ARHGAP22: variants seen among roughly 807,000 people sequenced by gnomAD.
The protein encoded by ARHGAP22 is Rho GTPase activating protein 22, also known as rho GTPase-activating protein 22.
ARHGAP22 carries 48 observed loss-of-function variants against 59.1 expected under a neutral mutation model. The ratio of observed to expected loss-of-function variants is 0.81; its 90% CI spans 0.64 to 1.03. The LOEUF is 1.03. Ranked by LOEUF, ARHGAP22 falls within the 50% of genes least tolerant of loss-of-function variation. The pLI, the probability that ARHGAP22 is intolerant of heterozygous loss-of-function variation, is 0.00. For synonymous variants in ARHGAP22, 445 were observed against 416.4 expected (o/e 1.07, Z -0.84); for missense variants, 1,015 against 958.7 (o/e 1.06, Z -0.78).
chr10:48,446,531 C>G lies in ARHGAP22; in HGVS notation c.1957G>C (p.Glu653Gln), dbSNP rs768161649. 6.2e-7 allele frequency: 1 copy of G among 1,614,242 alleles called. No homozygotes were observed. Among genetic ancestry groups the G allele is most frequent in the Non-Finnish European group, 8.5e-7 (1 of 1,180,038 alleles). Residue 653 changes from glutamate (E) to glutamine (Q), a missense_variant, in exon 10 of 10, where the codon GAA (glutamate) becomes CAA (glutamine). Glu to Gln is a conservative substitution (Grantham distance 29). Coordinates refer to ENST00000249601, the MANE Select transcript of ARHGAP22 (RefSeq NM_021226.4). Reference sequence around the variant, plus strand: ...CGTTCAGAGTTCCGCAGCTTTATTTCCAGCATGATGTATTTTTTCTTTTCC... The same window carrying G: ...CGTTCAGAGTTCCGCAGCTTTATTTGCAGCATGATGTATTTTTTCTTTTCC... ...DQEKKKYIML[E>Q]IKLRNSERAR...
Position 48,478,179 on chromosome 10 carries a change from G to A in ARHGAP22, c.451+1457C>T, listed in dbSNP as rs541086454. 3.2e-4 allele frequency among the ~76,000 whole-genome samples: 48 copies of A among 152,290 alleles called. No homozygotes were observed. The South Asian group carries it at 9.8e-3, about 31-fold the overall frequency. On this transcript the variant is annotated intron_variant, in intron 4 of 9. Transcript: ENST00000249601. ...TCACTTTCAGCAACCTGGAACCAAAGCCACTGTGAGGCTGCAGAAATCCCT... is the reference window on the plus strand; with the variant it reads ...TCACTTTCAGCAACCTGGAACCAAAACCACTGTGAGGCTGCAGAAATCCCT...
chr10:48,449,783 T>TACGA (rs879799452), intron 9 of ARHGAP22, among the ~76,000 whole-genome samples: 7,801 of 152,268 alleles, frequency 0.051, 243 homozygotes, highest in African/African-American at 0.094. Context: ...CACGAGGGCT[T>TACGA]GGTTCAGCAG....
At chr10:48,448,143 T>C (rs573672243) in intron 9 of ARHGAP22, among the ~76,000 whole-genome samples, 1 of 152,170 alleles carries the variant, frequency 6.6e-6, no homozygotes, top group African/African-American at 2.4e-5. Context: ...AACCAGAGCA[T>C]TGCCCAGGCC....
At chr10:48,555,646 G>C in intron 2 of ARHGAP22, 96 bp from the exon 3 acceptor site, 1 of 1,165,248 alleles carries the variant, frequency 8.6e-7, no homozygotes. Context: ...TAGGACCTGG[G>C]GCCCTCCAGG....
rs560028312 is a variant in ARHGAP22 at position 48,518,305 on chromosome 10, G to C, written c.322+37158C>G. 1.5e-3 allele frequency among the ~76,000 whole-genome samples: 222 copies of C among 152,312 alleles called. 1 individual carries two copies. Among genetic ancestry groups the C allele is most frequent in the African/African-American group, 5.1e-3 (213 of 41,568 alleles). ...CTGCCACCTCGCCTGGCCTCTGCCA[G>C]CCTTCCCAGCAGCAAGCATAAGACA... On this transcript the variant is annotated intron_variant, in intron 3 of 9. Coordinates refer to ENST00000249601, the MANE Select transcript of ARHGAP22 (RefSeq NM_021226.4).
At chr10:48,561,637 A>G (rs910792808) in intron 2 of ARHGAP22, among the ~76,000 whole-genome samples, 1 of 152,234 alleles carries the variant, frequency 6.6e-6, no homozygotes, top group Non-Finnish European at 1.5e-5. Context: ...TCAAAATTCT[A>G]TAATAAGGTA....
chr10:48,494,056 C>A (rs1255534665), intron 3 of ARHGAP22, among the ~76,000 whole-genome samples: 1 of 152,240 alleles, frequency 6.6e-6, no homozygotes, highest in Non-Finnish European at 1.5e-5. Context: ...ACTAAACCCA[C>A]CTCCCAGGAC....
chr10:48,610,756 C>T (rs908840116), intron 1 of ARHGAP22, among the ~76,000 whole-genome samples: 10 of 152,254 alleles, frequency 6.6e-5, no homozygotes, highest in Admixed American at 2.6e-4. Flanking sequence ...GCAGATGACC[C>T]GCTGGAGGGG....
intron 1 of ARHGAP22, among the ~76,000 whole-genome samples, chr10:48,631,234 T>A (rs945874310): frequency 6.6e-6 from 1 of 152,228 alleles, no homozygotes; most frequent in South Asian, 2.1e-4. Context: ...CTTGTTTACA[T>A]CTATATTCAT....
At chr10:48,534,252 T>A (rs1044861303) in intron 3 of ARHGAP22, among the ~76,000 whole-genome samples, 12 of 152,192 alleles carry the variant, frequency 7.9e-5, no homozygotes, top group African/African-American at 2.7e-4. Context: ...CTGGGCCACA[T>A]TTTTCTTGCT....
upstream of ARHGAP22, among the ~76,000 whole-genome samples, chr10:48,653,892 C>T (rs140415951): frequency 8.5e-5 from 13 of 152,306 alleles, no homozygotes; most frequent in East Asian, 2.3e-3. Context: ...TGCAGTGTAA[C>T]TGTGTTCTAA....
At chr10:48,440,792 G>A in the ARHGAP22 span, among the ~76,000 whole-genome samples, 14,565 of 152,238 alleles carry the variant, frequency 0.096, 728 homozygotes, top group Non-Finnish European at 0.11. Context: ...TTTTAGGATG[G>A]TCACTGCCAA....
At chr10:48,454,215 C>A in intron 6 of ARHGAP22, 54 bp from the exon 7 acceptor site, 2 of 1,495,336 alleles carry the variant, frequency 1.3e-6, no homozygotes, top group Non-Finnish European at 1.9e-6. Context: ...CCTGACTGTT[C>A]TCTGACTGCG....
chr10:48,440,826 G>C, the ARHGAP22 span, among the ~76,000 whole-genome samples: 2 of 152,180 alleles, frequency 1.3e-5, no homozygotes, highest in African/African-American at 2.4e-5. Flanking sequence ...AGTTAGGCTG[G>C]AGGTGTGGAC....
intron 4 of ARHGAP22, among the ~76,000 whole-genome samples, chr10:48,466,269 GCC>G (rs5784760): frequency 5.3e-5 from 8 of 150,644 alleles, no homozygotes; most frequent in Admixed American, 1.3e-4. Flanking sequence ...AAGTCCCTGC[GCC>G]CCCCCCCAGA....
At chr10:48,467,234 T>C (rs142039510) in intron 4 of ARHGAP22, among the ~76,000 whole-genome samples, 67 of 152,334 alleles carry the variant, frequency 4.4e-4, no homozygotes, top group African/African-American at 1.5e-3. Context: ...CCTAAGGTCA[T>C]ACAGCTGGTG....
the ARHGAP22 span, chr10:48,430,955 G>C: frequency 1.9e-6 from 1 of 526,738 alleles, no homozygotes; most frequent in South Asian, 2.3e-5. Context: ...ACCAACTTCA[G>C]AAACAGTGAA....
chr10:48,619,576 G>A (rs1301544318), intron 1 of ARHGAP22, among the ~76,000 whole-genome samples: 1 of 152,160 alleles, frequency 6.6e-6, no homozygotes, highest in Non-Finnish European at 1.5e-5. Flanking sequence ...AGGCACAAGA[G>A]CATACATTGG....
In ARHGAP22 at chr10:48,540,713, AG is replaced by A. The variant is rs569584489; in HGVS notation, c.322+14749del. On this transcript the variant is annotated intron_variant, in intron 3 of 9. Transcript: ENST00000249601. The stretch of plus-strand genomic sequence containing the variant: ...GGCTTGCAGCTCAGTTTGCAGCCTG[AG>A]AACTAGACTCCATTTCTTGTTATTG... Among the ~76,000 whole-genome samples, 213 of 152,248 alleles carry A rather than the reference AG, an allele frequency of 1.4e-3. 1 individual carries two copies. Among genetic ancestry groups the A allele is most frequent in the African/African-American group, 5.0e-3 (206 of 41,572 alleles).
Sources: allele counts gnomAD v4.1 joint callset (sites outside exome capture counted in the v4.1 genomes callset), GRCh38; gene constraint gnomAD v4.1.1; transcripts MANE v1.5; gene names NCBI Gene and HGNC (gene_info 2026-07-23, HGNC 2026-07-21).